The following ASAP2 variants were observed in gnomAD, a reference collection of about 807,000 sequenced individuals.
ASAP2 encodes ArfGAP with SH3 domain, ankyrin repeat and PH domain 2.
In ASAP2, 45 loss-of-function variants were observed where a neutral mutation model predicts 131.4. The observed-to-expected ratio is 0.34, with a 90% CI of 0.27 to 0.44. ASAP2 has a LOEUF of 0.44. ASAP2 is among the 20% of genes least tolerant of loss of function. ASAP2 has a pLI of 1.00. For synonymous variants in ASAP2, 510 were observed against 503.0 expected, an observed-to-expected ratio of 1.01 and a Z score of -0.19; for missense variants, 1,011 against 1,297.0, an observed-to-expected ratio of 0.78 and a Z score of 3.39.
chr2:9,334,174 G>C (rs1671034877), intron 7 of ASAP2, among the ~76,000 whole-genome samples: 1 of 146,240 alleles, frequency 6.8e-6, no homozygotes, highest in East Asian at 2.0e-4. Context: ...AGCCTCCCGA[G>C]TAGTAGCTTT....
intron 2 of ASAP2, among the ~76,000 whole-genome samples, chr2:9,287,001 C>T (rs1667510475): frequency 6.6e-6 from 1 of 152,234 alleles, no homozygotes; most frequent in Admixed American, 6.5e-5. Context: ...TCCATCCTTA[C>T]AGCCTTGTGA....
At chr2:9,312,791 C>G (rs1481328957) in intron 3 of ASAP2, among the ~76,000 whole-genome samples, 2 of 152,102 alleles carry the variant, frequency 1.3e-5, no homozygotes, top group African/African-American at 4.8e-5. Context: ...ATCCGTACAC[C>G]CCCCTCTCCT....
At chr2:9,248,586 G>T (rs1336666626) in intron 1 of ASAP2, among the ~76,000 whole-genome samples, 1 of 152,026 alleles carries the variant, frequency 6.6e-6, no homozygotes, top group African/African-American at 2.4e-5. Context: ...TCAGAGGTGT[G>T]TTCAGAATAA....
intron 1 of ASAP2, among the ~76,000 whole-genome samples, chr2:9,238,409 T>A (rs1428501519): frequency 6.6e-6 from 1 of 152,252 alleles, no homozygotes; most frequent in African/African-American, 2.4e-5. Context: ...TCCACAGCTT[T>A]GCTGAGCTAC....
In ASAP2 at chr2:9,258,928, G is replaced by A. The variant is rs372252394; in HGVS notation, c.127-20389G>A. Among the ~76,000 whole-genome samples, 9 of 152,286 alleles carry A rather than the reference G, an allele frequency of 5.9e-5. No individual in the cohort carries two copies. In the East Asian group the frequency reaches 1.4e-3, roughly 23 times the overall value. ...GGTCCATGCTCCTGATTACAGACTG[G>A]GGTCTGCAGCCCTCCAGTGATATTC... is the stretch of plus-strand genomic sequence containing the variant. On this transcript the variant is annotated intron_variant, in intron 1 of 27. Coordinates refer to ENST00000281419, the MANE Select transcript of ASAP2 (RefSeq NM_003887.3).
intron 1 of ASAP2, among the ~76,000 whole-genome samples, chr2:9,265,061 G>T (rs554780798): frequency 6.6e-6 from 1 of 152,094 alleles, no homozygotes; most frequent in Non-Finnish European, 1.5e-5. Context: ...ACTTGAGCCC[G>T]GGAGGTGGAG....
intron 1 of ASAP2, among the ~76,000 whole-genome samples, chr2:9,254,001 T>A (rs979356352): frequency 4.6e-5 from 7 of 150,704 alleles, no homozygotes; most frequent in Admixed American, 2.0e-4. Context: ...AGGTTGGGAG[T>A]TCGAGACCAG....
intron 3 of ASAP2, among the ~76,000 whole-genome samples, chr2:9,300,606 A>G (rs899904344): frequency 6.6e-6 from 1 of 152,206 alleles, no homozygotes. Context: ...CGGTGTAGCA[A>G]TCACTGGGCT....
intron 1 of ASAP2, among the ~76,000 whole-genome samples, chr2:9,262,975 G>A (rs1316794003): frequency 6.6e-6 from 1 of 152,210 alleles, no homozygotes; most frequent in Non-Finnish European, 1.5e-5. Flanking sequence ...GGGGAAATCA[G>A]CCTGGCTTAG....
chr2:9,295,967 A>ATTCCCT (rs1668126458), intron 2 of ASAP2, among the ~76,000 whole-genome samples: 1 of 151,892 alleles, frequency 6.6e-6, no homozygotes, highest in African/African-American at 2.4e-5. Context: ...TCGTTTTCCC[A>ATTCCCT]CATTGTCAGG....
chr2:9,298,273 A>C (rs1164379417), intron 3 of ASAP2, among the ~76,000 whole-genome samples: 1 of 152,206 alleles, frequency 6.6e-6, no homozygotes, highest in Non-Finnish European at 1.5e-5. Flanking sequence ...GCTCATAACA[A>C]GTGAAAAACA....
At position 9,368,433 on chromosome 2, in the gene ASAP2, G is replaced by C; in HGVS notation, c.1470G>C (p.Lys490Asn). The C allele has an allele frequency of 6.2e-7, 1 of 1,614,118 alleles. No individual in the cohort carries two copies. Among genetic ancestry groups the C allele is most frequent in the Non-Finnish European group, 8.5e-7 (1 of 1,180,004 alleles). ...GACTTTCATTTTTGCAGCTCGCCAA[G>C]AATATTGGGAATGCAGGCTTTAATG... ...VLGTSELLLA[K>N]NIGNAGFNEI... Residue 490 changes from lysine (K) to asparagine (N), a missense_variant, in exon 16 of 28, where the codon AAG becomes AAC. By Grantham distance (94) the Lys-to-Asn change is moderately conservative (BLOSUM62 0). This residue lies in a region of ASAP2 where 652 missense variants were observed against 698.9 expected (regional missense o/e 0.93). Coordinates refer to ENST00000281419, the MANE Select transcript of ASAP2 (RefSeq NM_003887.3).
In ASAP2 at chr2:9,389,452, C is replaced by A. The variant is rs371629570; in HGVS notation, c.2383+906C>A. ...ATCCCAAACTGTCCTTATGTGGTAG[C>A]TGCTAGCTGGGCAGGCTGGGTCGGT... is the stretch of plus-strand genomic sequence containing the variant. On this transcript the variant is annotated intron_variant, in intron 22 of 27. Coordinates refer to ENST00000281419, the MANE Select transcript of ASAP2 (RefSeq NM_003887.3). The surrounding 1 kb of genome is among the most constrained non-coding windows in gnomAD (Gnocchi z 4.7). Among the ~76,000 whole-genome samples, 1 of 152,260 alleles carries A rather than the reference C, an allele frequency of 6.6e-6. No homozygotes were observed. The highest frequency in any genetic ancestry group is 1.9e-4 in the East Asian group (1 of 5,204).
chr2:9,354,390 TC>T (rs1322155317), intron 12 of ASAP2, among the ~76,000 whole-genome samples: 6 of 152,084 alleles, frequency 3.9e-5, no homozygotes, highest in African/African-American at 1.5e-4. Context: ...ATTTGTAGCA[TC>T]TTTAAAGAGA....
At chr2:9,331,680 A>G (rs1333541982) in intron 7 of ASAP2, among the ~76,000 whole-genome samples, 1 of 152,180 alleles carries the variant, frequency 6.6e-6, no homozygotes, top group Non-Finnish European at 1.5e-5. Context: ...AGGCTGGAGA[A>G]TCACTTGAAC....
intron 8 of ASAP2, 101 bp from the exon 9 acceptor site, chr2:9,334,992 G>T: frequency 7.2e-7 from 1 of 1,386,288 alleles, no homozygotes; most frequent in Middle Eastern, 1.8e-4. Flanking sequence ...GAGGGAGGCA[G>T]TTGTCGCATT....
intron 21 of ASAP2, among the ~76,000 whole-genome samples, chr2:9,387,068 T>C (rs1335972193): frequency 5.1e-5 from 5 of 97,770 alleles, no homozygotes; most frequent in Non-Finnish European, 7.7e-5. Flanking sequence ...TAGCCGGGCT[T>C]GGTGGTGGGT....
In ASAP2 at chr2:9,393,495, C is replaced by A; in HGVS notation, c.2532C>A (p.Pro844=). 5 of 1,606,856 alleles carry A rather than the reference C, an allele frequency of 3.1e-6. No individual in the cohort carries two copies. Among genetic ancestry groups the A allele is most frequent in the East Asian group, 2.2e-5 (1 of 44,564 alleles). Residue 844 remains proline (P), a synonymous_variant, in exon 24 of 28, where the codon CCC becomes CCA. Transcript: ENST00000281419. The part of the protein sequence containing the change: ...LRVTSTNPLT[P]TPPPPVAKTP... ...TGTCCTCCGCAGATCCCCTGACCCC[C>A]ACGCCGCCCCCACCCGTTGCCAAGA...
At chr2:9,321,787 A>T (rs1470820779) in intron 5 of ASAP2, among the ~76,000 whole-genome samples, 1 of 152,228 alleles carries the variant, frequency 6.6e-6, no homozygotes, top group East Asian at 1.9e-4. Flanking sequence ...AAATCGAGAC[A>T]CACATGGGTA....
Sources: allele counts gnomAD v4.1 joint callset (sites outside exome capture counted in the v4.1 genomes callset), GRCh38; gene constraint gnomAD v4.1.1; regional missense constraint gnomAD v4.1.1; non-coding constraint Gnocchi (gnomAD v3.1); transcripts MANE v1.5; gene names NCBI Gene and HGNC (gene_info 2026-07-23, HGNC 2026-07-21).